Variants in SERP2 observed in about 807,000 individuals in gnomAD.
SERP2 encodes the protein stress-associated endoplasmic reticulum protein 2.
Under a neutral mutation model 9.1 loss-of-function variants are expected in SERP2, and 6 were observed. The observed-to-expected ratio is 0.66, with a 90% CI of 0.36 to 1.30. The LOEUF (loss-of-function observed/expected upper bound fraction) is 1.30. SERP2 is among the 50% of genes most tolerant of loss of function. The pLI, the probability that SERP2 is intolerant of heterozygous loss-of-function variation, is 0.03. For missense variants in SERP2, 58 were observed against 81.9 expected (o/e 0.71, Z 1.13); for synonymous variants, 37 against 27.3 (o/e 1.35, Z -1.10).
At chr13:44,397,122 T>A (rs1194009355) in intron 2 of SERP2, 150 bp from the exon 3 acceptor site, 1 of 660,272 alleles carries the variant, frequency 1.5e-6, no homozygotes, top group East Asian at 2.7e-5. Context: ...ACTGACCTCT[T>A]GTTAACTTAA....
At chr13:44,390,451 C>T (rs895729907) in intron 2 of SERP2, 11 of 456,546 alleles carry the variant, frequency 2.4e-5, no homozygotes, top group African/African-American at 2.2e-4. Context: ...AGACCGGCAA[C>T]TGAGATGTTT....
At chr13:44,377,476 C>A (rs917245026) in intron 1 of SERP2, among the ~76,000 whole-genome samples, 2 of 152,212 alleles carry the variant, frequency 1.3e-5, no homozygotes, top group Non-Finnish European at 2.9e-5. Flanking sequence ...CGGATCTGAA[C>A]TTGGCCTGGC....
chr13:44,397,332 C>G lies in SERP2; in HGVS notation c.*20C>G. On this transcript the variant is annotated 3_prime_UTR_variant, in exon 3 of 3. Transcript: ENST00000379179. The stretch of plus-strand genomic sequence containing the variant: ...ATGTGAGAAAGCCAGGGATTTGACA[C>G]CACCTCCCTCCCACTGGAGGCGGGA... 2 of 1,593,242 alleles carry G rather than the reference C, an allele frequency of 1.3e-6. No homozygotes were observed. The highest frequency in any genetic ancestry group is 1.7e-5 in the Admixed American group (1 of 59,990).
intron 2 of SERP2, among the ~76,000 whole-genome samples, chr13:44,396,932 C>T (rs1019065818): frequency 1.3e-5 from 2 of 152,202 alleles, no homozygotes; most frequent in Non-Finnish European, 2.9e-5. Flanking sequence ...AGTTTCTGCA[C>T]GAAAGCCCAT....
intron 2 of SERP2, among the ~76,000 whole-genome samples, chr13:44,392,060 T>C (rs1173249183): frequency 1.3e-5 from 2 of 151,420 alleles, no homozygotes; most frequent in Non-Finnish European, 2.9e-5. Flanking sequence ...TAGCTGGGCA[T>C]GGTGGTGCGC....
chr13:44,396,255 G>A (rs1203094173), intron 2 of SERP2, among the ~76,000 whole-genome samples: 1 of 152,066 alleles, frequency 6.6e-6, no homozygotes, highest in Non-Finnish European at 1.5e-5. Context: ...GCTCATTGAT[G>A]CCAGATGATG....
At chr13:44,381,183 G>T (rs1457579156) in intron 2 of SERP2, among the ~76,000 whole-genome samples, 6 of 145,812 alleles carry the variant, frequency 4.1e-5, no homozygotes, top group Non-Finnish European at 5.9e-5. Flanking sequence ...GTTGCCATGA[G>T]CCAGAGATCG....
rs147767506 is a variant in SERP2, at chr13:44,374,798, C to G, written c.84+689C>G. On this transcript the variant is annotated intron_variant, in intron 1 of 2. Transcript: ENST00000379179. ...TTACCTCTCTTCCAGCGAGACCTCC[C>G]TCAGCCCCTAGGCTAAAGTCTAAGG... Among the ~76,000 whole-genome samples, 32 of 152,280 alleles carry G rather than the reference C, an allele frequency of 2.1e-4. No homozygotes were observed. In the East Asian group the frequency reaches 6.2e-3, roughly 30 times the overall value.
rs377321948 is a variant in SERP2, at chr13:44,395,994, G to A, written c.158-1278G>A. The A allele has an allele frequency of 7.1e-5, 22 of 308,948 alleles. No individual in the cohort carries two copies. The East Asian group carries it at 1.2e-3, about 17-fold the overall frequency. The allele number at this position is 308,948 out of a possible 1,614,324, so 19.1% of individuals were successfully genotyped here. ...CTCCTCTGTAATGAGATCACAGCAC[G>A]TCTCATCAGTTACTGGTTTTCATTA... On this transcript the variant is annotated intron_variant, in intron 2 of 2. Transcript: ENST00000379179.
chr13:44,374,257 G>A (rs554659975), intron 1 of SERP2, 148 bp downstream of exon 1: 59 of 526,394 alleles, frequency 1.1e-4, no homozygotes, highest in African/African-American at 7.1e-4. Flanking sequence ...CAGAGTGGGG[G>A]CTGAGAGCTG....
At chr13:44,392,718 AG>A (rs1472488540) in intron 2 of SERP2, among the ~76,000 whole-genome samples, 5 of 152,108 alleles carry the variant, frequency 3.3e-5, no homozygotes, top group Non-Finnish European at 5.9e-5. Flanking sequence ...GTTGAGTCCG[AG>A]GTACCTCTGA....
chr13:44,388,386 G>A (rs1872449316), intron 2 of SERP2, among the ~76,000 whole-genome samples: 1 of 152,186 alleles, frequency 6.6e-6, no homozygotes, highest in Admixed American at 6.5e-5. Context: ...ATGTCTGTGT[G>A]TATGTACAGT....
intron 2 of SERP2, chr13:44,395,863 G>A (rs1223712508): frequency 2.2e-6 from 1 of 457,070 alleles, no homozygotes; most frequent in Non-Finnish European, 4.4e-6. Flanking sequence ...TACAAGAGAT[G>A]TGACCAGAGA....
At chr13:44,382,436 CAA>C (rs71202274) in intron 2 of SERP2, among the ~76,000 whole-genome samples, 2 of 45,664 alleles carry the variant, frequency 4.4e-5, no homozygotes, top group South Asian at 2.2e-3. Flanking sequence ...GACTCCGTCT[CAA>C]AAAAAAAAAA....
intron 1 of SERP2, 143 bp downstream of exon 1, chr13:44,374,252 T>TG (rs1412738846): frequency 1.9e-6 from 1 of 536,716 alleles, no homozygotes; most frequent in African/African-American, 2.0e-5. Flanking sequence ...TCCTGCAGAG[T>TG]GGGGGCTGAG....
At chr13:44,376,160 T>G (rs9533837) in intron 1 of SERP2, among the ~76,000 whole-genome samples, 1 of 152,248 alleles carries the variant, frequency 6.6e-6, no homozygotes, top group Non-Finnish European at 1.5e-5. Context: ...TTGGGGGGAT[T>G]TTGGTTAATG....
chr13:44,388,212 TTGAAG>T (rs1316889395), intron 2 of SERP2, among the ~76,000 whole-genome samples: 2 of 152,146 alleles, frequency 1.3e-5, no homozygotes, highest in African/African-American at 4.8e-5. Context: ...GCTGTTCTGG[TTGAAG>T]TGAAGTCTGT....
intron 2 of SERP2, chr13:44,390,665 C>T (rs189984754): frequency 4.2e-5 from 8 of 191,232 alleles, no homozygotes; most frequent in Admixed American, 1.8e-4. Flanking sequence ...TATTTTAATG[C>T]GGATAGAAAG....
rs1315429131 is a variant in SERP2, at chr13:44,397,636, C to T, written c.*324C>T. The T allele has an allele frequency of 1.8e-5, 7 of 394,844 alleles. No homozygotes were observed. Among genetic ancestry groups the T allele is most frequent in the Non-Finnish European group, 3.3e-5 (7 of 214,132 alleles). The allele number at this position is 394,844 out of a possible 1,614,324, so 24.5% of individuals were successfully genotyped here. A position where few individuals can be genotyped will look rare whatever the true frequency, so the allele number is the denominator to read the frequency against. On this transcript the variant is annotated 3_prime_UTR_variant, in exon 3 of 3. Coordinates refer to ENST00000379179, the MANE Select transcript of SERP2 (RefSeq NM_001010897.3). ...GCGTGCATGTGGCCCTCTGAACGAT[C>T]ACTGGTTTACTTTCTATGGATACAA... is the stretch of plus-strand genomic sequence containing the variant.
Sources: gnomAD v4.1 joint callset for allele counts (sites outside exome capture counted in the v4.1 genomes callset) on GRCh38, gnomAD v4.1.1 for gene constraint, MANE v1.5 for transcripts, NCBI Gene and HGNC (gene_info 2026-07-23, HGNC 2026-07-21) for gene names.